NTSR1: variants seen among roughly 807,000 people sequenced by gnomAD.
NTSR1 encodes neurotensin receptor 1, also known as neurotensin receptor type 1.
In NTSR1, 29 loss-of-function variants were observed where a neutral mutation model predicts 31.2. That is an observed-to-expected ratio of 0.93 (90% CI 0.69 to 1.27). NTSR1 has a LOEUF of 1.27. Ranked by LOEUF, NTSR1 falls within the 50% of genes most tolerant of loss-of-function variation. NTSR1 has a pLI of 0.00. For missense variants in NTSR1, 697 were observed against 595.4 expected (o/e 1.17, Z -1.78); for synonymous variants, 282 against 269.9 (o/e 1.04, Z -0.44).
chr20:62,754,948 C>T (rs1284300603), intron 2 of NTSR1, 62 bp downstream of exon 2: 7 of 1,442,574 alleles, frequency 4.9e-6, no homozygotes, highest in East Asian at 4.9e-5. Flanking sequence ...AGGCAGCGAG[C>T]GCTGAACCAC....
chr20:62,743,028 C>T lies in NTSR1; in HGVS notation c.715-11657C>T, dbSNP rs1292902893. 6.7e-6 allele frequency among the ~76,000 whole-genome samples: 1 copy of T among 149,536 alleles called. No individual in the cohort carries two copies. The highest frequency in any genetic ancestry group is 1.5e-5 in the Non-Finnish European group (1 of 68,008). On this transcript the variant is annotated intron_variant, in intron 1 of 3. Transcript: ENST00000370501. This position sits in a 1 kb window ranked among gnomAD's most constrained non-coding sequence, Gnocchi z 7.5. Reference sequence around the variant, plus strand: ...GTGGGAGTCTAGCTTTTGGGGGACACACCTGAGACCCTCCCAGCTACCCTG... The same window carrying T: ...GTGGGAGTCTAGCTTTTGGGGGACATACCTGAGACCCTCCCAGCTACCCTG...
chr20:62,750,333 G>A (rs1002765164), intron 1 of NTSR1, among the ~76,000 whole-genome samples: 3 of 152,192 alleles, frequency 2.0e-5, no homozygotes, highest in Non-Finnish European at 4.4e-5. Context: ...GGGCTGCAAA[G>A]TTTCAGTTAT....
At chr20:62,722,637 G>A (rs137991950) in intron 1 of NTSR1, among the ~76,000 whole-genome samples, 48 of 152,252 alleles carry the variant, frequency 3.2e-4, no homozygotes, top group East Asian at 5.8e-4. Flanking sequence ...CGTTCTGCCC[G>A]GACCTCAGCT....
rs751803355 is a variant in NTSR1, at chr20:62,709,658, T to A, written c.451T>A (p.Cys151Ser). The change falls in exon 1 of 4, where the codon TGC (cysteine) becomes AGC (serine). Residue 151 changes from cysteine to serine, a missense_variant. Coordinates refer to ENST00000370501, the MANE Select transcript of NTSR1 (RefSeq NM_002531.3). ...CRGYYFLRDA[C>S]TYATALNVAS... ...CGGCTACTACTTCCTGCGCGACGCC[T>A]GCACCTACGCCACGGCCCTCAACGT... The A allele has an allele frequency of 8.1e-6, 13 of 1,612,566 alleles. No homozygotes were observed. In the South Asian group the frequency reaches 1.4e-4, roughly 18 times the overall value.
intron 1 of NTSR1, among the ~76,000 whole-genome samples, chr20:62,722,526 A>T (rs1988840632): frequency 1.3e-5 from 2 of 152,184 alleles, no homozygotes; most frequent in Non-Finnish European, 2.9e-5. Context: ...GCTTCTGAGG[A>T]CCGTCACCAT....
At chr20:62,757,982 T>C (rs999362489) in intron 2 of NTSR1, among the ~76,000 whole-genome samples, 8 of 151,424 alleles carry the variant, frequency 5.3e-5, no homozygotes, top group African/African-American at 1.9e-4. Flanking sequence ...GTGCCTCAGG[T>C]GCAGTGGGTC....
intron 1 of NTSR1, among the ~76,000 whole-genome samples, chr20:62,739,161 G>A (rs545316538): frequency 2.8e-3 from 423 of 152,308 alleles, no homozygotes; most frequent in Non-Finnish European, 5.0e-3. Flanking sequence ...AGACTGAACC[G>A]GGACAGGCTG....
At chr20:62,737,779 T>A (rs1314073059) in intron 1 of NTSR1, among the ~76,000 whole-genome samples, 1 of 151,854 alleles carries the variant, frequency 6.6e-6, no homozygotes, top group Non-Finnish European at 1.5e-5. Context: ...AGCGGCCTCC[T>A]GCTTTACCTC....
intron 1 of NTSR1, among the ~76,000 whole-genome samples, chr20:62,731,615 C>T (rs1378717028): frequency 6.6e-6 from 1 of 152,052 alleles, no homozygotes; most frequent in African/African-American, 2.4e-5. Context: ...TCTGTGAGGC[C>T]TTTTGAGTTA....
intron 1 of NTSR1, among the ~76,000 whole-genome samples, chr20:62,723,057 C>T (rs1019816524): frequency 3.3e-5 from 5 of 152,228 alleles, no homozygotes; most frequent in African/African-American, 1.2e-4. Context: ...TGGACTTAAA[C>T]ATTTTTAGCC....
At chr20:62,728,621 G>A (rs2427422) in intron 1 of NTSR1, among the ~76,000 whole-genome samples, 38,805 of 152,158 alleles carry the variant, frequency 0.26, 5,722 homozygotes, top group Middle Eastern at 0.36. Flanking sequence ...CGGTGTCTGC[G>A]GAAGACGCTG....
In NTSR1 at chr20:62,741,418, C is replaced by T. The variant is rs1989204726; in HGVS notation, c.715-13267C>T. On this transcript the variant is annotated intron_variant, in intron 1 of 3. Transcript: ENST00000370501. The surrounding 1 kb of genome is among the most constrained non-coding windows in gnomAD (Gnocchi z 4.3). ...AACCTCTTGCAGAGGTGACGGGTGACTCACCAGCCCCGCTCAGAGGACGGG... is the reference window on the plus strand; with the variant it reads ...AACCTCTTGCAGAGGTGACGGGTGATTCACCAGCCCCGCTCAGAGGACGGG... Among the ~76,000 whole-genome samples, 1 of 149,718 alleles carries T rather than the reference C, an allele frequency of 6.7e-6. No individual in the cohort carries two copies. The highest frequency in any genetic ancestry group is 2.5e-5 in the African/African-American group (1 of 40,162).
rs1269235004 is a variant in NTSR1, at chr20:62,745,398, GAC to G, written c.715-9283_715-9282del. Among the ~76,000 whole-genome samples, 2 of 151,730 alleles carry G rather than the reference GAC, an allele frequency of 1.3e-5. No homozygotes were observed. Among genetic ancestry groups the G allele is most frequent in the African/African-American group, 4.8e-5 (2 of 41,252 alleles). On this transcript the variant is annotated intron_variant, in intron 1 of 3. Coordinates refer to ENST00000370501, the MANE Select transcript of NTSR1 (RefSeq NM_002531.3). This position sits in a 1 kb window ranked among gnomAD's most constrained non-coding sequence, Gnocchi z 4.1. ...AGAGACACAGAGATATAGAGATAGA[GAC>G]ACAGACTCAGGAAAACAGACAGAGA... is the stretch of plus-strand genomic sequence containing the variant.
chr20:62,750,710 A>C lies in NTSR1; in HGVS notation c.715-3975A>C, dbSNP rs1481396547. Among the ~76,000 whole-genome samples, 7 of 151,846 alleles carry C rather than the reference A, an allele frequency of 4.6e-5. No homozygotes were observed. In the South Asian group the frequency reaches 6.2e-4, roughly 14 times the overall value. ...CGTCTCAAAAAAAAAAAAAAAAAAA[A>C]AACAATACTGCATTGCACACTCAAA... On this transcript the variant is annotated intron_variant, in intron 1 of 3. Coordinates refer to ENST00000370501, the MANE Select transcript of NTSR1 (RefSeq NM_002531.3).
At chr20:62,756,242 G>A (rs556080357) in intron 2 of NTSR1, among the ~76,000 whole-genome samples, 1 of 152,202 alleles carries the variant, frequency 6.6e-6, no homozygotes, top group Non-Finnish European at 1.5e-5. Flanking sequence ...CTCAGAGCAG[G>A]TGGCATCCTG....
chr20:62,757,618 G>A (rs1477896347), intron 2 of NTSR1, among the ~76,000 whole-genome samples: 1 of 152,228 alleles, frequency 6.6e-6, no homozygotes, highest in African/African-American at 2.4e-5. Flanking sequence ...CATTGAATCT[G>A]TAGAGTGCTT....
chr20:62,754,939 GGCA>G, intron 2 of NTSR1, 53 bp downstream of exon 2: 1 of 1,489,378 alleles, frequency 6.7e-7, no homozygotes, highest in Non-Finnish European at 9.0e-7. Flanking sequence ...GGCTAGCAAA[GGCA>G]GCGAGCGCTG....
intron 1 of NTSR1, among the ~76,000 whole-genome samples, chr20:62,751,614 C>T (rs571739792): frequency 2.0e-5 from 3 of 152,268 alleles, no homozygotes; most frequent in Admixed American, 6.5e-5. Context: ...AAGCTGGTGT[C>T]TAGCAAAGGT....
rs1437461277 is a variant in NTSR1, at chr20:62,732,110, A to G, written c.714+22189A>G. On this transcript the variant is annotated intron_variant, in intron 1 of 3. Coordinates refer to ENST00000370501, the MANE Select transcript of NTSR1 (RefSeq NM_002531.3). This position sits in a 1 kb window ranked among gnomAD's most constrained non-coding sequence, Gnocchi z 4.0. ...ACTCCAGCCTGGGCGACAGAGTGAG[A>G]CTCCATTTCAAAAAAAAAAAAAAAA... is the stretch of plus-strand genomic sequence containing the variant. Among the ~76,000 whole-genome samples, 1 of 87,026 alleles carries G rather than the reference A, an allele frequency of 1.1e-5. No homozygotes were observed. Among genetic ancestry groups the G allele is most frequent in the African/African-American group, 4.2e-5 (1 of 23,934 alleles). The allele number at this position is 87,026 out of a possible 152,430, so 57.1% of individuals were successfully genotyped here.
Sources: gnomAD v4.1 joint callset for allele counts (sites outside exome capture counted in the v4.1 genomes callset) on GRCh38, gnomAD v4.1.1 for gene constraint, Gnocchi (gnomAD v3.1) non-coding constraint, MANE v1.5 for transcripts, NCBI Gene and HGNC (gene_info 2026-07-23, HGNC 2026-07-21) for gene names.